The following SPMAP2L variants were observed in gnomAD, a reference collection of about 807,000 sequenced individuals.
SPMAP2L encodes the protein sperm microtubule associated protein 2 like.
chr4:56,607,406 A>T, the SPMAP2L span, among the ~76,000 whole-genome samples: 1 of 152,190 alleles, frequency 6.6e-6, no homozygotes, highest in African/African-American at 2.4e-5. Flanking sequence ...GTTCTTTATA[A>T]ATTAGCCAGT....
chr4:56,612,500 T>A, the SPMAP2L span, among the ~76,000 whole-genome samples: 1 of 152,218 alleles, frequency 6.6e-6, no homozygotes, highest in Non-Finnish European at 1.5e-5. Flanking sequence ...CTAATTTTTG[T>A]ATATTTAATA....
At chr4:56,613,072 T>C in the SPMAP2L span, among the ~76,000 whole-genome samples, 1 of 152,140 alleles carries the variant, frequency 6.6e-6, no homozygotes. Context: ...TTCTCCCTTA[T>C]ATAACTCTTC....
the SPMAP2L span, chr4:56,575,672 C>G: frequency 6.5e-7 from 1 of 1,529,122 alleles, no homozygotes; most frequent in East Asian, 2.5e-5. Context: ...TCTGTAAATC[C>G]TAATCTAATT....
the SPMAP2L span, among the ~76,000 whole-genome samples, chr4:56,560,284 C>T: frequency 6.6e-6 from 1 of 152,178 alleles, no homozygotes; most frequent in Non-Finnish European, 1.5e-5. Context: ...TCTCTAAGTT[C>T]CCCTCACCTT....
At chr4:56,602,092 C>T in the SPMAP2L span, among the ~76,000 whole-genome samples, 1 of 152,062 alleles carries the variant, frequency 6.6e-6, no homozygotes, top group Non-Finnish European at 1.5e-5. Flanking sequence ...TGGCCTAATT[C>T]AAATAGATAA....
At chr4:56,595,558 A>T in the SPMAP2L span, 1 of 1,420,650 alleles carries the variant, frequency 7.0e-7, no homozygotes, top group Non-Finnish European at 1.0e-6. Flanking sequence ...TATTCCAGAG[A>T]GGTGGCAGCA....
At chr4:56,615,764 CAAA>C in the SPMAP2L span, among the ~76,000 whole-genome samples, 2 of 152,018 alleles carry the variant, frequency 1.3e-5, no homozygotes, top group Admixed American at 1.3e-4. Context: ...AACAAACAAA[CAAA>C]CAAACAAACA....
the SPMAP2L span, among the ~76,000 whole-genome samples, chr4:56,617,747 C>T: frequency 6.6e-6 from 1 of 152,148 alleles, no homozygotes; most frequent in Non-Finnish European, 1.5e-5. Flanking sequence ...AGGGTTCTTG[C>T]CTTGGTGTAC....
chr4:56,615,050 G>A, the SPMAP2L span, among the ~76,000 whole-genome samples: 80 of 152,152 alleles, frequency 5.3e-4, no homozygotes, highest in African/African-American at 1.9e-3. Context: ...ATTTGAGAGG[G>A]GCATTGCACA....
the SPMAP2L span, among the ~76,000 whole-genome samples, chr4:56,598,086 C>T: frequency 3.9e-5 from 6 of 152,138 alleles, no homozygotes; most frequent in African/African-American, 1.2e-4. Context: ...TGGTCTGGAA[C>T]CCCTGAGCTC....
chr4:56,586,087 G>A, the SPMAP2L span, among the ~76,000 whole-genome samples: 435 of 152,280 alleles, frequency 2.9e-3, 1 homozygote, highest in Non-Finnish European at 4.6e-3. Flanking sequence ...GATGTCTGGG[G>A]CCTCAGCTGG....
chr4:56,610,869 G>A, the SPMAP2L span, among the ~76,000 whole-genome samples: 1 of 152,158 alleles, frequency 6.6e-6, no homozygotes, highest in Non-Finnish European at 1.5e-5. Flanking sequence ...AATGATGAGG[G>A]AAATGCAAAT....
chr4:56,604,983 T>G, the SPMAP2L span, among the ~76,000 whole-genome samples: 3 of 152,268 alleles, frequency 2.0e-5, no homozygotes, highest in African/African-American at 7.2e-5. Context: ...AATGATACAA[T>G]GGACTTTGGG....
At chr4:56,549,344 C>G in the SPMAP2L span, among the ~76,000 whole-genome samples, 4 of 152,082 alleles carry the variant, frequency 2.6e-5, no homozygotes, top group East Asian at 5.8e-4. Context: ...TGACTTGTTA[C>G]TTAGTAGATC....
the SPMAP2L span, chr4:56,575,603 C>T: frequency 6.5e-7 from 1 of 1,535,438 alleles, no homozygotes; most frequent in South Asian, 1.2e-5. Flanking sequence ...CAGAGGCTGT[C>T]ACAGCCCAAT....
chr4:56,542,554 T>C, the SPMAP2L span, among the ~76,000 whole-genome samples: 3 of 152,154 alleles, frequency 2.0e-5, no homozygotes. Context: ...TCTGTTATTC[T>C]TCATCAATAG....
At chr4:56,541,821 T>C in the SPMAP2L span, among the ~76,000 whole-genome samples, 2 of 152,194 alleles carry the variant, frequency 1.3e-5, no homozygotes, top group Admixed American at 1.3e-4. Flanking sequence ...TTTCTTTCTT[T>C]CTTTTTTCTA....
the SPMAP2L span, among the ~76,000 whole-genome samples, chr4:56,537,859 AT>A: frequency 2.0e-4 from 30 of 151,874 alleles, no homozygotes; most frequent in African/African-American, 5.3e-4. Context: ...CGCCCGGCTA[AT>A]TTTTTTGTAT....
At chr4:56,536,017 C>A in the SPMAP2L span, among the ~76,000 whole-genome samples, 317 of 152,330 alleles carry the variant, frequency 2.1e-3, 12 homozygotes, top group South Asian at 0.05. Context: ...GCGCAGTTCA[C>A]GATAGGGTTT....
Sources: allele counts gnomAD v4.1 joint callset (sites outside exome capture counted in the v4.1 genomes callset), GRCh38; gene constraint gnomAD v4.1.1; transcripts MANE v1.5; gene names NCBI Gene and HGNC (gene_info 2026-07-23, HGNC 2026-07-21).